CALD1: variants seen among roughly 807,000 people sequenced by gnomAD.
The protein encoded by CALD1 is caldesmon 1.
Under a neutral mutation model 99.9 loss-of-function variants are expected in CALD1, and 33 were observed. That is an observed-to-expected ratio of 0.33 (90% CI 0.25 to 0.44). CALD1 has a LOEUF of 0.44. CALD1 is among the 20% of genes least tolerant of loss of function. The probability of loss-of-function intolerance (pLI) is 1.00; values close to 1 mark genes in which losing one functional copy is unlikely to be tolerated. For synonymous variants in CALD1, 310 were observed against 325.0 expected, an observed-to-expected ratio of 0.95 and a Z score of 0.50; for missense variants, 861 against 962.1, an observed-to-expected ratio of 0.89 and a Z score of 1.39.
chr7:134,869,558 T>A (rs2132333902), intron 3 of CALD1, among the ~76,000 whole-genome samples: 1 of 152,280 alleles, frequency 6.6e-6, no homozygotes, highest in South Asian at 2.1e-4. Flanking sequence ...AGCAAAGAAC[T>A]TATAGACGGT....
At chr7:134,807,903 C>T (rs1798207994) in intron 1 of CALD1, among the ~76,000 whole-genome samples, 1 of 152,084 alleles carries the variant, frequency 6.6e-6, no homozygotes, top group African/African-American at 2.4e-5. Flanking sequence ...GCTGGGATTA[C>T]AAGCGTAAGC....
the CALD1 span, among the ~76,000 whole-genome samples, chr7:134,730,755 A>C: frequency 5.4e-4 from 82 of 152,344 alleles, no homozygotes; most frequent in South Asian, 1.4e-3. Context: ...TGGTAACTTT[A>C]GGATTAAAAT....
chr7:134,713,711 T>C, the CALD1 span, among the ~76,000 whole-genome samples: 26,015 of 152,074 alleles, frequency 0.17, 2,248 homozygotes, highest in South Asian at 0.23. Flanking sequence ...AATATTAATC[T>C]CTGGTGGGAA....
chr7:134,768,452 T>C (rs1357327473), intron 1 of CALD1, among the ~76,000 whole-genome samples: 2 of 152,188 alleles, frequency 1.3e-5, no homozygotes, highest in Admixed American at 6.5e-5. Context: ...ATTGATGTTA[T>C]GGTGTCAAAG....
chr7:134,778,159 G>A (rs1224483540), upstream of CALD1, among the ~76,000 whole-genome samples: 2 of 152,188 alleles, frequency 1.3e-5, no homozygotes, highest in African/African-American at 4.8e-5. Flanking sequence ...GTCAGGAAGA[G>A]GGGAGGGAAG....
intron 1 of CALD1, among the ~76,000 whole-genome samples, chr7:134,773,471 G>T (rs6959926): frequency 0.59 from 89,617 of 151,684 alleles, 27,785 homozygotes; most frequent in East Asian, 0.88. Flanking sequence ...ACAGGGTTTC[G>T]CCCTGTTGCC....
chr7:134,923,809 T>C (rs769052401), intron 3 of CALD1, among the ~76,000 whole-genome samples: 1 of 152,246 alleles, frequency 6.6e-6, no homozygotes, highest in Non-Finnish European at 1.5e-5. Flanking sequence ...AATTTGTCGA[T>C]GATTATCAAA....
chr7:134,756,846 C>A, intron 1 of CALD1, among the ~76,000 whole-genome samples: 1 of 152,154 alleles, frequency 6.6e-6, no homozygotes, highest in East Asian at 1.9e-4. Context: ...TCCATGGGCC[C>A]GTAGGAACCT....
the CALD1 span, among the ~76,000 whole-genome samples, chr7:134,733,540 G>A: frequency 1.2e-4 from 19 of 152,252 alleles, no homozygotes; most frequent in African/African-American, 4.1e-4. Context: ...CGGGCGCGGT[G>A]GCTCAAGCCT....
chr7:134,859,924 T>A (rs1800488833), intron 2 of CALD1, among the ~76,000 whole-genome samples: 2 of 152,154 alleles, frequency 1.3e-5, no homozygotes, highest in Admixed American at 1.3e-4. Flanking sequence ...ACATTGGCTT[T>A]AATAATGTTA....
At chr7:134,960,314 C>A in intron 12 of CALD1, 1 of 681,558 alleles carries the variant, frequency 1.5e-6, no homozygotes, top group Non-Finnish European at 2.5e-6. Flanking sequence ...CCATCTTACT[C>A]CAAATAAAGT....
intron 6 of CALD1, among the ~76,000 whole-genome samples, chr7:134,939,347 G>A (rs192279156): frequency 2.1e-4 from 32 of 152,250 alleles, no homozygotes; most frequent in African/African-American, 6.7e-4. Context: ...ATTTTTTCAC[G>A]TACTTGGGAC....
intron 2 of CALD1, 71 bp from the exon 3 acceptor site, chr7:134,867,622 G>A (rs1247588380): frequency 9.2e-6 from 5 of 542,082 alleles, no homozygotes; most frequent in Admixed American, 3.6e-5. Context: ...TGGGAAAGAG[G>A]GCCCATAGTA....
Position 134,933,632 on chromosome 7 carries a change from T to A in CALD1, c.863T>A (p.Ile288Lys). ...ERIKAEQDKK[I>K]ADERARIEAE... ...ATTAAAGCCGAGCAAGACAAAAAGATAGCAGATGAACGAGCAAGAATTGAA... is the reference window on the plus strand; with the variant it reads ...ATTAAAGCCGAGCAAGACAAAAAGAAAGCAGATGAACGAGCAAGAATTGAA... The change falls in exon 5 of 15, where the codon ATA becomes AAA. Residue 288 changes from isoleucine to lysine, a missense_variant. By Grantham distance (102) the Ile-to-Lys change is moderately radical. This residue lies in a region of CALD1 where 234 missense variants were observed against 233.1 expected (regional missense o/e 1.00). Transcript: ENST00000361675. 2 of 1,610,516 alleles carry A rather than the reference T, an allele frequency of 1.2e-6. No individual in the cohort carries two copies. The highest frequency in any genetic ancestry group is 1.7e-6 in the Non-Finnish European group (2 of 1,178,416).
chr7:134,746,226 C>T (rs1796633260), intron 1 of CALD1, among the ~76,000 whole-genome samples: 1 of 152,056 alleles, frequency 6.6e-6, no homozygotes, highest in Admixed American at 6.6e-5. Context: ...TCATAAGGGC[C>T]AATTCCCTCA....
intron 1 of CALD1, among the ~76,000 whole-genome samples, chr7:134,834,181 A>C (rs1046831919): frequency 6.6e-6 from 1 of 152,216 alleles, no homozygotes; most frequent in African/African-American, 2.4e-5. Flanking sequence ...ATCTATTTTG[A>C]TGTTCAAATG....
intron 3 of CALD1, among the ~76,000 whole-genome samples, chr7:134,913,327 G>T (rs188718596): frequency 1.3e-5 from 2 of 152,206 alleles, no homozygotes; most frequent in African/African-American, 4.8e-5. Flanking sequence ...TAAATAAACT[G>T]AACTTAGAAC....
the CALD1 span, among the ~76,000 whole-genome samples, chr7:134,734,441 T>C: frequency 6.6e-6 from 1 of 151,842 alleles, no homozygotes. Context: ...AGTGCACACA[T>C]GGTGAGACAT....
At chr7:134,825,948 G>A (rs376828301) in intron 1 of CALD1, among the ~76,000 whole-genome samples, 1 of 151,974 alleles carries the variant, frequency 6.6e-6, no homozygotes, top group African/African-American at 2.4e-5. Context: ...TCTTAATTCA[G>A]GTTTCAAGAA....
Sources: gnomAD v4.1 joint callset for allele counts (sites outside exome capture counted in the v4.1 genomes callset) on GRCh38, gnomAD v4.1.1 for gene constraint, gnomAD v4.1.1 regional missense constraint, MANE v1.5 for transcripts, NCBI Gene and HGNC (gene_info 2026-07-23, HGNC 2026-07-21) for gene names.